CFAP299: variants seen among roughly 807,000 people sequenced by gnomAD.
CFAP299 encodes cilia and flagella associated protein 299.
A neutral mutation model predicts 27.0 loss-of-function variants in CFAP299; 21 were observed. The ratio of observed to expected loss-of-function variants is 0.78; its 90% CI spans 0.55 to 1.12. The LOEUF (loss-of-function observed/expected upper bound fraction) is 1.12. Among genes scored for constraint, CFAP299 ranks in the 50% most tolerant of loss-of-function variants. The pLI, the probability that CFAP299 is intolerant of heterozygous loss-of-function variation, is 0.00. For synonymous variants in CFAP299, 104 were observed against 98.1 expected (o/e 1.06, Z -0.36); for missense variants, 310 against 276.6 (o/e 1.12, Z -0.86).
At chr4:80,441,384 G>T (rs1578446103) in intron 2 of CFAP299, among the ~76,000 whole-genome samples, 1 of 152,206 alleles carries the variant, frequency 6.6e-6, no homozygotes, top group African/African-American at 2.4e-5. Context: ...AGCCAGAAGA[G>T]AGTGGGGGCC....
intron 3 of CFAP299, among the ~76,000 whole-genome samples, chr4:80,626,149 CA>C (rs1329953837): frequency 6.6e-6 from 1 of 151,918 alleles, no homozygotes; most frequent in Non-Finnish European, 1.5e-5. Context: ...GGCCACAAAG[CA>C]AGTCTTAACA....
intron 4 of CFAP299, among the ~76,000 whole-genome samples, chr4:80,912,584 C>A (rs547046726): frequency 6.6e-6 from 1 of 152,248 alleles, no homozygotes; most frequent in African/African-American, 2.4e-5. Context: ...AGCAGAGCTG[C>A]AGTCGGACCA....
At chr4:80,701,046 C>A (rs1721444233) in intron 3 of CFAP299, among the ~76,000 whole-genome samples, 1 of 151,988 alleles carries the variant, frequency 6.6e-6, no homozygotes, top group South Asian at 2.1e-4. Context: ...AGCGGGTGGC[C>A]TTGAACCAAG....
At chr4:80,323,543 A>G in the CFAP299 span, among the ~76,000 whole-genome samples, 3 of 152,180 alleles carry the variant, frequency 2.0e-5, no homozygotes, top group South Asian at 6.2e-4. Context: ...GTAAAGTTTT[A>G]TTTCTGTTAG....
intron 3 of CFAP299, among the ~76,000 whole-genome samples, chr4:80,864,458 G>GGTATATATA (rs2110162271): frequency 1.4e-5 from 2 of 141,968 alleles, no homozygotes; most frequent in East Asian, 2.0e-4. Context: ...ACCTATATAA[G>GGTATATATA]TATATATATA....
intron 3 of CFAP299, among the ~76,000 whole-genome samples, chr4:80,615,852 A>C (rs6816294): frequency 0.051 from 7,785 of 152,230 alleles, 582 homozygotes; most frequent in African/African-American, 0.16. Context: ...CACATTATTG[A>C]TTGTGGCCCA....
At chr4:80,411,052 A>G (rs1560554665) in intron 2 of CFAP299, among the ~76,000 whole-genome samples, 1 of 152,210 alleles carries the variant, frequency 6.6e-6, no homozygotes, top group Non-Finnish European at 1.5e-5. Flanking sequence ...GTCATAATTA[A>G]GTTGCTCTTC....
intron 2 of CFAP299, among the ~76,000 whole-genome samples, chr4:80,462,004 G>A (rs913043599): frequency 5.9e-5 from 9 of 151,950 alleles, no homozygotes; most frequent in African/African-American, 2.2e-4. Flanking sequence ...TTATGACTCC[G>A]CTTGGATTCT....
intron 2 of CFAP299, among the ~76,000 whole-genome samples, chr4:80,424,042 A>G (rs964955339): frequency 4.6e-5 from 7 of 152,168 alleles, no homozygotes; most frequent in South Asian, 2.1e-4. Context: ...GTAACTCTCA[A>G]TGGGCCCTCC....
intron 4 of CFAP299, among the ~76,000 whole-genome samples, chr4:80,940,589 C>T (rs1265659000): frequency 6.6e-6 from 1 of 152,110 alleles, no homozygotes; most frequent in Non-Finnish European, 1.5e-5. Flanking sequence ...TTGTTAAAAT[C>T]GCTGTTGCTG....
At chr4:80,929,657 GGTCCCCTGACTT>G (rs1186327979) in intron 4 of CFAP299, among the ~76,000 whole-genome samples, 1 of 152,018 alleles carries the variant, frequency 6.6e-6, no homozygotes, top group Non-Finnish European at 1.5e-5. Flanking sequence ...ATTCTAAACT[GGTCCCCTGACTT>G]CCAACTCTCT....
intron 3 of CFAP299, among the ~76,000 whole-genome samples, chr4:80,631,404 A>G (rs1452184529): frequency 1.3e-5 from 2 of 152,150 alleles, no homozygotes; most frequent in Non-Finnish European, 2.9e-5. Context: ...ATTATAAAGT[A>G]AAGAGTAAGT....
At chr4:80,768,360 C>A (rs980844327) in intron 3 of CFAP299, among the ~76,000 whole-genome samples, 1 of 152,066 alleles carries the variant, frequency 6.6e-6, no homozygotes, top group South Asian at 2.1e-4. Flanking sequence ...GATTGTTCCA[C>A]AACACCAGGA....
chr4:80,470,506 A>G (rs1004983170), intron 2 of CFAP299, among the ~76,000 whole-genome samples: 10 of 152,176 alleles, frequency 6.6e-5, no homozygotes, highest in African/African-American at 2.4e-4. Context: ...TAAACACCTT[A>G]TGCAAATGTA....
At chr4:80,490,533 G>T (rs942897974) in intron 2 of CFAP299, among the ~76,000 whole-genome samples, 5 of 152,086 alleles carry the variant, frequency 3.3e-5, no homozygotes, top group African/African-American at 1.2e-4. Flanking sequence ...ACCAGAAGAG[G>T]TCCCACATTA....
At chr4:80,405,177 A>G (rs956438524) in intron 2 of CFAP299, among the ~76,000 whole-genome samples, 7 of 152,174 alleles carry the variant, frequency 4.6e-5, no homozygotes, top group African/African-American at 1.7e-4. Context: ...TTCTGCAGGA[A>G]AAACATACCA....
chr4:80,360,117 G>C (rs923525014), intron 1 of CFAP299, among the ~76,000 whole-genome samples: 3 of 152,154 alleles, frequency 2.0e-5, no homozygotes, highest in Non-Finnish European at 4.4e-5. Context: ...GCCAACTCCT[G>C]GACTGTGTGC....
intron 3 of CFAP299, among the ~76,000 whole-genome samples, chr4:80,855,437 T>G (rs13118883): frequency 0.15 from 22,622 of 152,000 alleles, 2,026 homozygotes; most frequent in Middle Eastern, 0.28. Context: ...TTAAGTTTTA[T>G]GGTACATGTG....
chr4:80,484,154 A>T (rs75888241), intron 2 of CFAP299, among the ~76,000 whole-genome samples: 6,920 of 152,166 alleles, frequency 0.045, 372 homozygotes, highest in African/African-American at 0.12. Context: ...AATTATACCT[A>T]TTGGAAATAT....
Sources: allele counts gnomAD v4.1 joint callset (sites outside exome capture counted in the v4.1 genomes callset), GRCh38; gene constraint gnomAD v4.1.1; transcripts MANE v1.5; gene names NCBI Gene and HGNC (gene_info 2026-07-23, HGNC 2026-07-21).